The following CPNE8 variants were observed in gnomAD, a reference collection of about 807,000 sequenced individuals.
The protein encoded by CPNE8 is copine 8.
CPNE8 carries 45 observed loss-of-function variants against 81.5 expected under a neutral mutation model. That is an observed-to-expected ratio of 0.55 (90% confidence interval 0.44 to 0.71). The LOEUF (loss-of-function observed/expected upper bound fraction) is 0.71. CPNE8 is among the 30% of genes least tolerant of loss of function. CPNE8 has a pLI of 0.00. For synonymous variants in CPNE8, 252 were observed against 226.3 expected, an observed-to-expected ratio of 1.11 and a Z score of -1.02; for missense variants, 594 against 672.1, an observed-to-expected ratio of 0.88 and a Z score of 1.28.
chr12:38,781,387 G>T (rs1315240742), intron 6 of CPNE8, among the ~76,000 whole-genome samples: 1 of 151,798 alleles, frequency 6.6e-6, no homozygotes, highest in Non-Finnish European at 1.5e-5. Context: ...ATTCAGCCAT[G>T]AACTATTTAA....
chr12:38,723,911 T>C lies in CPNE8; in HGVS notation c.853-78A>G, dbSNP rs192331473. The C allele has an allele frequency of 3.8e-4, 316 of 821,484 alleles. 2 individuals carry two copies. The highest frequency in any genetic ancestry group is 9.2e-4 in the Middle Eastern group (4 of 4,342). The allele number at this position is 821,484 out of a possible 1,614,324, so 50.9% of individuals were successfully genotyped here. A position where few individuals can be genotyped will look rare whatever the true frequency, so the allele number is the denominator to read the frequency against. On this transcript the variant is annotated intron_variant, in intron 12 of 19. Coordinates refer to ENST00000331366, the MANE Select transcript of CPNE8 (RefSeq NM_153634.3). ...ACCTTTCTAATTATTAGAGAGAAAA[T>C]CATATTTCTTTGCATTTTGAAACTC...
At chr12:38,846,219 T>A (rs1288772864) in intron 4 of CPNE8, among the ~76,000 whole-genome samples, 1 of 152,102 alleles carries the variant, frequency 6.6e-6, no homozygotes, top group Non-Finnish European at 1.5e-5. Context: ...GTAACAAAGC[T>A]TATAGGATCT....
intron 10 of CPNE8, among the ~76,000 whole-genome samples, chr12:38,753,746 G>T (rs1941398398): frequency 6.6e-6 from 1 of 152,062 alleles, no homozygotes; most frequent in South Asian, 2.1e-4. Flanking sequence ...AAGATATTTT[G>T]AGAGAGACCA....
At chr12:38,751,983 A>T (rs1941361863) in intron 10 of CPNE8, among the ~76,000 whole-genome samples, 1 of 152,184 alleles carries the variant, frequency 6.6e-6, no homozygotes, top group South Asian at 2.1e-4. Flanking sequence ...ACTTTTAAAA[A>T]ATTCATCCTC....
intron 14 of CPNE8, among the ~76,000 whole-genome samples, chr12:38,702,303 T>A (rs1284742572): frequency 6.6e-6 from 1 of 152,122 alleles, no homozygotes; most frequent in Non-Finnish European, 1.5e-5. Context: ...TCTTAAAAGG[T>A]TTAATACATA....
intron 17 of CPNE8, chr12:38,676,129 ATT>A: frequency 2.7e-5 from 12 of 452,274 alleles, no homozygotes; most frequent in Non-Finnish European, 3.5e-5. Flanking sequence ...AAAAAAAAAA[ATT>A]AAAAAAGAAA....
At chr12:38,767,537 AC>A in intron 8 of CPNE8, 97 bp downstream of exon 8, 1 of 687,008 alleles carries the variant, frequency 1.5e-6, no homozygotes, top group East Asian at 3.2e-5. Flanking sequence ...AAACTATTTT[AC>A]TTCATTTATC....
intron 15 of CPNE8, among the ~76,000 whole-genome samples, chr12:38,686,551 T>C (rs1295190167): frequency 6.6e-6 from 1 of 152,222 alleles, no homozygotes; most frequent in Admixed American, 6.5e-5. Flanking sequence ...AGTTATACCC[T>C]CTGTATAGTG....
intron 19 of CPNE8, among the ~76,000 whole-genome samples, chr12:38,666,824 G>A (rs1458806244): frequency 6.6e-6 from 1 of 152,028 alleles, no homozygotes; most frequent in Non-Finnish European, 1.5e-5. Flanking sequence ...TTAAATCCTG[G>A]TTCACTTCTA....
rs188146688 is a variant in CPNE8, at chr12:38,823,520, C to G, written c.407+5859G>C. Among the ~76,000 whole-genome samples, 5 of 152,278 alleles carry G rather than the reference C, an allele frequency of 3.3e-5. No individual in the cohort carries two copies. In the East Asian group the frequency reaches 7.7e-4, roughly 23 times the overall value. On this transcript the variant is annotated intron_variant, in intron 6 of 19. Coordinates refer to ENST00000331366, the MANE Select transcript of CPNE8 (RefSeq NM_153634.3). ...AAAACATAGCCTTTGCCCTCCTAAA[C>G]GTCCTTTAGTCAAAACAGCTGCTGG...
At chr12:38,679,161 T>C (rs1484181225) in intron 16 of CPNE8, among the ~76,000 whole-genome samples, 2 of 151,816 alleles carry the variant, frequency 1.3e-5, no homozygotes, top group Non-Finnish European at 3.0e-5. Flanking sequence ...AGTACAACAG[T>C]ATAGCTTTTA....
chr12:38,817,914 C>T (rs1047643801), intron 6 of CPNE8, among the ~76,000 whole-genome samples: 6 of 152,058 alleles, frequency 3.9e-5, no homozygotes, highest in East Asian at 1.9e-4. Context: ...TGAGCCACTG[C>T]GCCTGGCCAA....
intron 1 of CPNE8, among the ~76,000 whole-genome samples, chr12:38,890,598 C>T (rs1271294294): frequency 1.3e-5 from 2 of 152,044 alleles, no homozygotes; most frequent in African/African-American, 4.8e-5. Context: ...GGAAGAAGTA[C>T]ATTAGCATAT....
At chr12:38,731,935 T>G (rs895260537) in intron 10 of CPNE8, among the ~76,000 whole-genome samples, 4 of 137,908 alleles carry the variant, frequency 2.9e-5, no homozygotes, top group Admixed American at 2.1e-4. Context: ...ATTATGAAGG[T>G]TTTTTTTTAG....
chr12:38,659,739 A>G (rs1473422612), intron 19 of CPNE8, among the ~76,000 whole-genome samples: 1 of 152,192 alleles, frequency 6.6e-6, no homozygotes, highest in Non-Finnish European at 1.5e-5. Context: ...CAGGATTAAG[A>G]AACTCACTCA....
intron 10 of CPNE8, among the ~76,000 whole-genome samples, chr12:38,731,004 A>T (rs1170337348): frequency 6.6e-6 from 1 of 151,858 alleles, no homozygotes; most frequent in Admixed American, 6.6e-5. Context: ...ATTAGTTCTA[A>T]CTAAAAAGCT....
intron 19 of CPNE8, among the ~76,000 whole-genome samples, chr12:38,664,056 CT>C (rs1289698713): frequency 6.6e-6 from 1 of 151,946 alleles, no homozygotes; most frequent in Non-Finnish European, 1.5e-5. Context: ...TTCTGTTGTT[CT>C]CTAGCACTGT....
At chr12:38,657,904 C>T (rs1376158278) in intron 19 of CPNE8, among the ~76,000 whole-genome samples, 1 of 152,132 alleles carries the variant, frequency 6.6e-6, no homozygotes, top group African/African-American at 2.4e-5. Context: ...TCACCAACAT[C>T]AAAGACCAAA....
intron 3 of CPNE8, among the ~76,000 whole-genome samples, chr12:38,853,628 A>T (rs941516098): frequency 6.6e-6 from 1 of 152,170 alleles, no homozygotes; most frequent in Admixed American, 6.5e-5. Context: ...TGTTCCTTTT[A>T]AAATTCCAAG....
Sources: gnomAD v4.1 joint callset for allele counts (sites outside exome capture counted in the v4.1 genomes callset) on GRCh38, gnomAD v4.1.1 for gene constraint, MANE v1.5 for transcripts, NCBI Gene and HGNC (gene_info 2026-07-23, HGNC 2026-07-21) for gene names.